Variants in PPARGC1A observed in about 807,000 individuals in gnomAD.
The protein encoded by PPARGC1A is PPARG coactivator 1 alpha.
A neutral mutation model predicts 88.7 loss-of-function variants in PPARGC1A; 25 were observed. That is an observed-to-expected ratio of 0.28 (90% confidence interval 0.21 to 0.39). PPARGC1A has a LOEUF of 0.39. PPARGC1A is among the 10% of genes least tolerant of loss of function. The probability of loss-of-function intolerance (pLI) is 1.00; values close to 1 mark genes in which losing one functional copy is unlikely to be tolerated. For missense variants in PPARGC1A, 880 were observed against 968.7 expected (o/e 0.91, Z 1.22); for synonymous variants, 363 against 355.6 (o/e 1.02, Z -0.24).
At chr4:24,167,683 AAG>A in the PPARGC1A span, among the ~76,000 whole-genome samples, 1 of 152,134 alleles carries the variant, frequency 6.6e-6, no homozygotes, top group Non-Finnish European at 1.5e-5. Flanking sequence ...CACCACCAAA[AAG>A]AGTACAACTT....
the PPARGC1A span, among the ~76,000 whole-genome samples, chr4:24,279,396 A>G: frequency 5.9e-5 from 9 of 152,202 alleles, no homozygotes; most frequent in African/African-American, 2.2e-4. Context: ...ATCTTGGGTC[A>G]CATGTAGGGA....
the PPARGC1A span, among the ~76,000 whole-genome samples, chr4:24,339,883 C>T: frequency 3.3e-5 from 5 of 152,058 alleles, no homozygotes; most frequent in Admixed American, 3.3e-4. Context: ...GGACTACAGG[C>T]GCCCACCACC....
chr4:23,916,530 T>G, the PPARGC1A span, among the ~76,000 whole-genome samples: 762 of 152,280 alleles, frequency 5.0e-3, 37 homozygotes, highest in East Asian at 0.1. Flanking sequence ...TTTAAAGAGC[T>G]AGATGCACAC....
At chr4:24,429,301 T>C in the PPARGC1A span, among the ~76,000 whole-genome samples, 1 of 152,124 alleles carries the variant, frequency 6.6e-6, no homozygotes, top group African/African-American at 2.4e-5. Context: ...ACTCACACAG[T>C]TTTTTATATT....
rs35237930 is a variant in PPARGC1A, at chr4:23,792,081, T to TA, written c.*3740dup. The TA allele has an allele frequency of 1.6e-4, 24 of 152,450 alleles. No individual in the cohort carries two copies. The highest frequency in any genetic ancestry group is 8.3e-4 in the South Asian group (4 of 4,816). 9.4% of individuals were successfully genotyped at this position (152,450 alleles called of 1,614,324 possible). ...GTGAGGCTGATGTGTACTGCACATTTAAAAAAAATCACAGGAATTTTCATA... is the reference window on the plus strand; with the variant it reads ...GTGAGGCTGATGTGTACTGCACATTTAAAAAAAAATCACAGGAATTTTCATA... On this transcript the variant is annotated 3_prime_UTR_variant, in exon 13 of 13. Transcript: ENST00000264867.
In PPARGC1A at chr4:23,826,163, T is replaced by C. The variant is rs144243274; in HGVS notation, c.758-1655A>G. On this transcript the variant is annotated intron_variant, in intron 5 of 12. Coordinates refer to ENST00000264867, the MANE Select transcript of PPARGC1A (RefSeq NM_013261.5). ...AAAGGAGAGGAGATGGCAACAGTCA[T>C]AGTTAATGAGACCAAAGGCAAACAG... 7.9e-5 allele frequency among the ~76,000 whole-genome samples: 12 copies of C among 152,202 alleles called. No homozygotes were observed. The East Asian group carries it at 1.9e-3, about 25-fold the overall frequency.
At chr4:24,214,481 G>A in the PPARGC1A span, among the ~76,000 whole-genome samples, 1 of 152,182 alleles carries the variant, frequency 6.6e-6, no homozygotes, top group Non-Finnish European at 1.5e-5. Flanking sequence ...GGAAGATATT[G>A]GCAACAGGGA....
the PPARGC1A span, among the ~76,000 whole-genome samples, chr4:24,245,100 G>T: frequency 6.6e-6 from 1 of 152,222 alleles, no homozygotes; most frequent in Non-Finnish European, 1.5e-5. Flanking sequence ...CAGCTGGATC[G>T]CATTACATGG....
the PPARGC1A span, among the ~76,000 whole-genome samples, chr4:24,157,953 C>G: frequency 6.6e-6 from 1 of 152,094 alleles, no homozygotes; most frequent in Admixed American, 6.6e-5. Context: ...AACCCCTTAC[C>G]CTTCCAACAC....
the PPARGC1A span, among the ~76,000 whole-genome samples, chr4:24,266,219 A>G: frequency 1.3e-5 from 2 of 152,226 alleles, no homozygotes; most frequent in African/African-American, 4.8e-5. Context: ...GCTGGGAATC[A>G]GAACTGCCCA....
the PPARGC1A span, among the ~76,000 whole-genome samples, chr4:24,244,976 A>C: frequency 6.6e-6 from 1 of 152,208 alleles, no homozygotes; most frequent in Non-Finnish European, 1.5e-5. Flanking sequence ...CTTTTTAAGA[A>C]TGGAGAAAAA....
At chr4:23,807,488 A>G (rs898105089) in intron 10 of PPARGC1A, among the ~76,000 whole-genome samples, 3 of 152,216 alleles carry the variant, frequency 2.0e-5, no homozygotes, top group Non-Finnish European at 4.4e-5. Context: ...ATGCAAATAA[A>G]AGCTAACATG....
chr4:23,826,831 T>G (rs925554275), intron 5 of PPARGC1A, among the ~76,000 whole-genome samples: 1 of 152,108 alleles, frequency 6.6e-6, no homozygotes, highest in Non-Finnish European at 1.5e-5. Context: ...TATTTAATTC[T>G]TCATTGTCAT....
At chr4:24,043,547 C>G in the PPARGC1A span, among the ~76,000 whole-genome samples, 1 of 152,098 alleles carries the variant, frequency 6.6e-6, no homozygotes, top group Non-Finnish European at 1.5e-5. Context: ...TCTACCAATA[C>G]AGAATGCCTT....
At chr4:23,844,928 G>A (rs1577485572) in intron 2 of PPARGC1A, among the ~76,000 whole-genome samples, 1 of 144,438 alleles carries the variant, frequency 6.9e-6, no homozygotes, top group Non-Finnish European at 1.5e-5. Context: ...AGCATTTGGA[G>A]CAGCAAAGCA....
the PPARGC1A span, among the ~76,000 whole-genome samples, chr4:23,957,925 G>A: frequency 3.9e-5 from 6 of 152,088 alleles, no homozygotes; most frequent in African/African-American, 1.4e-4. Context: ...GGGAACCTGA[G>A]TTTAGGTTGA....
chr4:24,333,156 A>G, the PPARGC1A span, among the ~76,000 whole-genome samples: 3,913 of 152,186 alleles, frequency 0.026, 152 homozygotes, highest in African/African-American at 0.08. Context: ...AGGCATGAGA[A>G]TCACTTGAAC....
At chr4:23,857,727 C>T (rs1193152176) in intron 2 of PPARGC1A, among the ~76,000 whole-genome samples, 1 of 151,730 alleles carries the variant, frequency 6.6e-6, no homozygotes, top group Non-Finnish European at 1.5e-5. Context: ...CACCGAGAGC[C>T]AGTAAGCAAA....
At chr4:24,107,643 C>A in the PPARGC1A span, among the ~76,000 whole-genome samples, 1 of 152,086 alleles carries the variant, frequency 6.6e-6, no homozygotes, top group Non-Finnish European at 1.5e-5. Flanking sequence ...AGGTCAGTCA[C>A]AAAATTTAAG....
Sources: gnomAD v4.1 joint callset for allele counts (sites outside exome capture counted in the v4.1 genomes callset) on GRCh38, gnomAD v4.1.1 for gene constraint, MANE v1.5 for transcripts, NCBI Gene and HGNC (gene_info 2026-07-23, HGNC 2026-07-21) for gene names.